PDE4D: variants seen among roughly 807,000 people sequenced by gnomAD.
PDE4D encodes 3',5'-cyclic-AMP phosphodiesterase 4D.
In PDE4D, 24 loss-of-function variants were observed where a neutral mutation model predicts 87.4. That is an observed-to-expected ratio of 0.27 (90% CI 0.20 to 0.39). The LOEUF (loss-of-function observed/expected upper bound fraction) is 0.39, where lower values mean the gene tolerates loss of function less well. Ranked by LOEUF, PDE4D falls within the 10% of genes least tolerant of loss-of-function variation. PDE4D has a pLI of 1.00. For synonymous variants in PDE4D, 384 were observed against 383.2 expected (o/e 1.00, Z -0.02); for missense variants, 714 against 1,041.0 (o/e 0.69, Z 4.32).
intron 1 of PDE4D, among the ~76,000 whole-genome samples, chr5:60,399,916 G>T (rs892875874): frequency 6.6e-6 from 1 of 152,204 alleles, no homozygotes; most frequent in Non-Finnish European, 1.5e-5. Context: ...TTATGCCTAA[G>T]CCAGCCAAAG....
At chr5:60,460,026 T>C in intron 1 of PDE4D, 1 of 1,323,478 alleles carries the variant, frequency 7.6e-7, no homozygotes, top group Non-Finnish European at 1.1e-6. Flanking sequence ...AGTAGTACTG[T>C]AATGAGTTTG....
chr5:59,507,105 G>A (rs1262706919), intron 1 of PDE4D, among the ~76,000 whole-genome samples: 1 of 152,292 alleles, frequency 6.6e-6, no homozygotes, highest in African/African-American at 2.4e-5. Flanking sequence ...ACTGAGGCAG[G>A]TGGATCATTT....
intron 1 of PDE4D, chr5:59,356,912 C>T: frequency 1.4e-6 from 2 of 1,461,312 alleles, no homozygotes; most frequent in Non-Finnish European, 1.8e-6. Flanking sequence ...GGCTCTGGGG[C>T]CCTGAGGCCC....
chr5:59,905,995 A>T (rs569493711), intron 3 of PDE4D, among the ~76,000 whole-genome samples: 252 of 152,210 alleles, frequency 1.7e-3, no homozygotes, highest in African/African-American at 5.7e-3. Flanking sequence ...TCTATTCCAT[A>T]TGTGTTTCCT....
chr5:60,520,113 T>G (rs1273805985), intron 1 of PDE4D, among the ~76,000 whole-genome samples: 2 of 152,206 alleles, frequency 1.3e-5, no homozygotes, highest in Non-Finnish European at 2.9e-5. Flanking sequence ...TCACAGGACT[T>G]TTAAGAACAC....
At chr5:60,458,983 G>GTGTGTGTGTGTGTGTGTGT (rs1746710669) in intron 1 of PDE4D, among the ~76,000 whole-genome samples, 1 of 151,574 alleles carries the variant, frequency 6.6e-6, no homozygotes, top group African/African-American at 2.4e-5. Flanking sequence ...ATAAGTTTGT[G>GTGTGTGTGTGTGTGTGTGT]TGTGTGTGTG....
chr5:59,112,164 G>A lies in PDE4D; in HGVS notation c.808+68431C>T, dbSNP rs531253184. Among the ~76,000 whole-genome samples the A allele has an allele frequency of 1.2e-4, 19 of 152,252 alleles. No homozygotes were observed. In the East Asian group the frequency reaches 2.7e-3, roughly 22 times the overall value. On this transcript the variant is annotated intron_variant, in intron 5 of 14. Transcript: ENST00000340635. ...GCAATGGAATTGGCCCTAAGATACC[G>A]GGGGAAAGAGCACTTCATGCAGCAC...
At chr5:59,163,107 C>CTTTT (rs534025246) in intron 5 of PDE4D, among the ~76,000 whole-genome samples, 1 of 129,836 alleles carries the variant, frequency 7.7e-6, no homozygotes, top group Non-Finnish European at 1.6e-5. Context: ...TGCCTGGCTA[C>CTTTT]TTTTTTTTTT....
intron 1 of PDE4D, among the ~76,000 whole-genome samples, chr5:59,349,192 T>C (rs1780104445): frequency 6.6e-6 from 1 of 152,204 alleles, no homozygotes; most frequent in African/African-American, 2.4e-5. Context: ...TGTGCTTATA[T>C]AACCCAGCCT....
chr5:60,330,295 A>G (rs903294606), intron 1 of PDE4D, among the ~76,000 whole-genome samples: 10 of 152,232 alleles, frequency 6.6e-5, no homozygotes, highest in African/African-American at 1.2e-4. Flanking sequence ...ATATAATGGT[A>G]AACAAGAGAG....
intron 1 of PDE4D, among the ~76,000 whole-genome samples, chr5:59,730,704 T>C (rs1475672551): frequency 1.3e-5 from 2 of 152,138 alleles, no homozygotes; most frequent in Admixed American, 6.6e-5. Flanking sequence ...CTCCTTGATA[T>C]CACAGAATCA....
intron 1 of PDE4D, among the ~76,000 whole-genome samples, chr5:60,291,970 A>G (rs150449424): frequency 2.0e-5 from 3 of 152,322 alleles, no homozygotes; most frequent in African/African-American, 2.4e-5. Context: ...TACACATAAT[A>G]GAGACACATT....
At chr5:59,949,434 CAAAAAAAA>C (rs59654913) in intron 3 of PDE4D, among the ~76,000 whole-genome samples, 2 of 57,596 alleles carry the variant, frequency 3.5e-5, no homozygotes, top group African/African-American at 1.2e-4. Context: ...CTCCGTCTCA[CAAAAAAAA>C]AAAAAAAAAA....
intron 1 of PDE4D, among the ~76,000 whole-genome samples, chr5:59,476,102 C>T (rs757185236): frequency 6.6e-6 from 1 of 151,950 alleles, no homozygotes; most frequent in Admixed American, 6.6e-5. Context: ...TTCTCCCTTC[C>T]CTCTATTTTA....
chr5:59,679,334 C>T (rs2150358131), intron 1 of PDE4D, among the ~76,000 whole-genome samples: 1 of 152,248 alleles, frequency 6.6e-6, no homozygotes, highest in South Asian at 2.1e-4. Flanking sequence ...TATCTTGGTA[C>T]AACAAAACTC....
intron 1 of PDE4D, among the ~76,000 whole-genome samples, chr5:59,403,149 A>G (rs376517528): frequency 0.079 from 10,517 of 133,376 alleles, 1,028 homozygotes; most frequent in African/African-American, 0.24. Flanking sequence ...AGGTAGACAG[A>G]CAGACAGACA....
At chr5:60,199,729 A>C (rs918818690) in intron 1 of PDE4D, among the ~76,000 whole-genome samples, 3 of 151,742 alleles carry the variant, frequency 2.0e-5, no homozygotes, top group Non-Finnish European at 4.4e-5. Context: ...GAATGAAAGA[A>C]ACTTAGTATT....
chr5:59,328,385 C>A (rs1017564515), intron 1 of PDE4D, among the ~76,000 whole-genome samples: 1 of 152,128 alleles, frequency 6.6e-6, no homozygotes, highest in Non-Finnish European at 1.5e-5. Context: ...ATAAGTATAG[C>A]TGTTATATGG....
intron 1 of PDE4D, among the ~76,000 whole-genome samples, chr5:59,508,228 T>C (rs531041344): frequency 3.3e-5 from 5 of 152,152 alleles, no homozygotes; most frequent in Non-Finnish European, 5.9e-5. Context: ...GAAAGTCTTA[T>C]ACCCAAAAGT....
Sources: allele counts gnomAD v4.1 joint callset (sites outside exome capture counted in the v4.1 genomes callset), GRCh38; gene constraint gnomAD v4.1.1; transcripts MANE v1.5; gene names NCBI Gene and HGNC (gene_info 2026-07-23, HGNC 2026-07-21).